The following ITGA1 variants were observed in gnomAD, a reference collection of about 807,000 sequenced individuals.
ITGA1 encodes the protein integrin subunit alpha 1.
ITGA1 carries 85 observed loss-of-function variants against 145.9 expected under a neutral mutation model. The observed-to-expected ratio is 0.58, with a 90% confidence interval of 0.49 to 0.70. ITGA1 has a LOEUF of 0.70. Among genes scored for constraint, ITGA1 ranks in the 30% least tolerant of loss-of-function variants. The probability of loss-of-function intolerance (pLI) is 0.00; values close to 1 mark genes in which losing one functional copy is unlikely to be tolerated. For missense variants in ITGA1, 1,351 were observed against 1,418.7 expected (o/e 0.95, Z 0.77); for synonymous variants, 520 against 495.3 (o/e 1.05, Z -0.66).
intron 1 of ITGA1, among the ~76,000 whole-genome samples, chr5:52,806,493 A>G (rs1490737226): frequency 6.6e-6 from 1 of 152,098 alleles, no homozygotes; most frequent in Non-Finnish European, 1.5e-5. Flanking sequence ...TAAAAATACC[A>G]TTCAAAAACA....
At chr5:52,849,712 G>A (rs1749399533) in intron 2 of ITGA1, among the ~76,000 whole-genome samples, 1 of 151,854 alleles carries the variant, frequency 6.6e-6, no homozygotes, top group African/African-American at 2.4e-5. Flanking sequence ...TGCCTGGATT[G>A]ACCTCAAGGA....
At chr5:52,811,102 G>T (rs1052753823) in intron 1 of ITGA1, among the ~76,000 whole-genome samples, 5 of 152,152 alleles carry the variant, frequency 3.3e-5, no homozygotes, top group South Asian at 4.1e-4. Context: ...ACGATTATTT[G>T]CTACAGTTAC....
chr5:52,879,366 T>C (rs1047371498), intron 6 of ITGA1, among the ~76,000 whole-genome samples: 8 of 152,186 alleles, frequency 5.3e-5, no homozygotes, highest in Non-Finnish European at 1.2e-4. Flanking sequence ...CCTTAATTGA[T>C]GAGCAATTAA....
chr5:52,845,910 C>T (rs1749326699), intron 1 of ITGA1, among the ~76,000 whole-genome samples: 1 of 152,184 alleles, frequency 6.6e-6, no homozygotes, highest in African/African-American at 2.4e-5. Context: ...GCATCTACTA[C>T]AGTCATGCAT....
At chr5:52,879,694 A>G (rs986753707) in intron 6 of ITGA1, among the ~76,000 whole-genome samples, 4 of 152,202 alleles carry the variant, frequency 2.6e-5, no homozygotes, top group Non-Finnish European at 4.4e-5. Context: ...TTGTGTAATT[A>G]GTTGGCTGTA....
chr5:52,860,356 G>C (rs944560106), intron 2 of ITGA1, among the ~76,000 whole-genome samples: 1 of 151,964 alleles, frequency 6.6e-6, no homozygotes, highest in South Asian at 2.1e-4. Context: ...GACTATCCTG[G>C]CCAACATGGT....
chr5:52,856,744 C>T (rs949572211), intron 2 of ITGA1, among the ~76,000 whole-genome samples: 1 of 151,820 alleles, frequency 6.6e-6, no homozygotes, highest in South Asian at 2.1e-4. Flanking sequence ...ATCCTCACTT[C>T]CTGTTTCAGT....
At chr5:52,829,026 T>A (rs1749013781) in intron 1 of ITGA1, among the ~76,000 whole-genome samples, 1 of 152,156 alleles carries the variant, frequency 6.6e-6, no homozygotes, top group South Asian at 2.1e-4. Flanking sequence ...GGCCCCACCA[T>A]AAAAAACAGG....
At chr5:52,910,700 CTATA>C (rs932005577) in intron 14 of ITGA1, among the ~76,000 whole-genome samples, 5 of 145,266 alleles carry the variant, frequency 3.4e-5, no homozygotes, top group African/African-American at 1.3e-4. Flanking sequence ...TATATACACA[CTATA>C]TACTATATAT....
chr5:52,942,382 T>A (rs908611948), intron 26 of ITGA1, among the ~76,000 whole-genome samples: 1 of 152,194 alleles, frequency 6.6e-6, no homozygotes, highest in African/African-American at 2.4e-5. Flanking sequence ...GGCCATTTAA[T>A]GATATTAAAT....
intron 1 of ITGA1, among the ~76,000 whole-genome samples, chr5:52,828,850 A>G (rs956714303): frequency 1.3e-5 from 2 of 152,138 alleles, no homozygotes; most frequent in African/African-American, 4.8e-5. Context: ...CCAGTTTCTG[A>G]TGGTTCCTGG....
intron 9 of ITGA1, among the ~76,000 whole-genome samples, chr5:52,894,807 G>T (rs146274222): frequency 6.6e-5 from 10 of 152,052 alleles, no homozygotes; most frequent in African/African-American, 2.4e-4. Flanking sequence ...AAGACAAAAT[G>T]GGAATGAGAC....
intron 1 of ITGA1, among the ~76,000 whole-genome samples, chr5:52,807,508 C>G (rs1161081843): frequency 6.6e-6 from 1 of 152,076 alleles, no homozygotes; most frequent in East Asian, 1.9e-4. Flanking sequence ...CCTAAAAAAT[C>G]TAAGAATGCC....
chr5:52,885,619 A>G (rs1242936204), intron 7 of ITGA1, among the ~76,000 whole-genome samples: 2 of 152,230 alleles, frequency 1.3e-5, no homozygotes, highest in Non-Finnish European at 2.9e-5. Context: ...TTATTTGAGC[A>G]AAGAATGATT....
intron 1 of ITGA1, among the ~76,000 whole-genome samples, chr5:52,829,553 G>A (rs1469093599): frequency 6.6e-6 from 1 of 151,758 alleles, no homozygotes; most frequent in Admixed American, 6.6e-5. Flanking sequence ...TGTTTAAAAA[G>A]CACAGTTAGA....
chr5:52,839,626 A>G (rs1749221349), intron 1 of ITGA1, among the ~76,000 whole-genome samples: 1 of 152,194 alleles, frequency 6.6e-6, no homozygotes, highest in Non-Finnish European at 1.5e-5. Flanking sequence ...AATGAATTTT[A>G]TTAATTAACA....
At chr5:52,944,646 A>G (rs1363189) in intron 26 of ITGA1, among the ~76,000 whole-genome samples, 47,366 of 152,076 alleles carry the variant, frequency 0.31, 7,497 homozygotes, top group East Asian at 0.37. Context: ...GTCTTGCTAC[A>G]TTAAAGGTAG....
chr5:52,916,981 C>T (rs1248688497), intron 15 of ITGA1, among the ~76,000 whole-genome samples: 5 of 152,178 alleles, frequency 3.3e-5, no homozygotes, highest in Admixed American at 6.6e-5. Context: ...AGTCATTTCC[C>T]TATCATAGTC....
At chr5:52,891,998 A>T (rs1005486039) in intron 8 of ITGA1, among the ~76,000 whole-genome samples, 2 of 152,172 alleles carry the variant, frequency 1.3e-5, no homozygotes, top group African/African-American at 4.8e-5. Context: ...GGACTTCATC[A>T]AAATGTAAAA....
Sources: allele counts gnomAD v4.1 joint callset (sites outside exome capture counted in the v4.1 genomes callset), GRCh38; gene constraint gnomAD v4.1.1; transcripts MANE v1.5; gene names NCBI Gene and HGNC (gene_info 2026-07-23, HGNC 2026-07-21).